Variants in EIF1AX observed in about 807,000 individuals in gnomAD.
EIF1AX encodes the protein eukaryotic translation initiation factor 1A X-linked.
EIF1AX carries 1 observed loss-of-function variant against 16.1 expected under a neutral mutation model. The ratio of observed to expected loss-of-function variants is 0.06; its 90% confidence interval spans 0.02 to 0.30. EIF1AX has a LOEUF of 0.30. Ranked by LOEUF, EIF1AX falls within the 10% of genes least tolerant of loss-of-function variation. The pLI is 1.00. For synonymous variants in EIF1AX, 32 were observed against 37.3 expected (o/e 0.86, Z 0.51); for missense variants, 11 against 109.1 (o/e 0.10, Z 4.00).
At chrX:20,133,923 A>G (rs752396421) in intron 4 of EIF1AX, 34 bp downstream of exon 4, 1 of 1,119,551 alleles carries the variant, frequency 8.9e-7, no homozygotes, top group East Asian at 3.1e-5. Flanking sequence ...AATTCAAGCC[A>G]GTAAAATAGG....
At chrX:20,137,388 G>C (rs1333759087) in intron 2 of EIF1AX, among the ~76,000 whole-genome samples, 1 of 111,101 alleles carries the variant, frequency 9.0e-6, no homozygotes. Context: ...GGAGCTTGTA[G>C]TGAGCCGAGA....
At chrX:20,138,902 C>T (rs1048766617) in intron 1 of EIF1AX, among the ~76,000 whole-genome samples, 8 of 111,842 alleles carry the variant, frequency 7.2e-5, no homozygotes, top group African/African-American at 2.6e-4. Flanking sequence ...TATAGAAAAA[C>T]ATTTCACTTT....
chrX:20,140,882 T>G (rs764927271), intron 1 of EIF1AX, among the ~76,000 whole-genome samples: 1 of 109,941 alleles, frequency 9.1e-6, no homozygotes, highest in African/African-American at 3.3e-5. Flanking sequence ...AGGCCTTCCG[T>G]TTTGGAAATC....
At position 20,141,703 on chromosome X, in the gene EIF1AX, T is replaced by G. The variant is rs1242549209; in HGVS notation, c.-63A>C. The G allele has an allele frequency of 1.8e-6, 2 of 1,100,281 alleles. No homozygotes were observed. Among genetic ancestry groups the G allele is most frequent in the African/African-American group, 1.9e-5 (1 of 53,476 alleles). The allele number at this position is 1,100,281 out of a possible 1,213,427, so 90.7% of individuals were successfully genotyped here. ...TCCGGGTAGCGGCGACCGCGGCGGC[T>G]GCTGCTCCGAGGGGCGACACGAGGG... On this transcript the variant is annotated 5_prime_UTR_variant, in exon 1 of 7. Coordinates refer to ENST00000379607, the MANE Select transcript of EIF1AX (RefSeq NM_001412.4).
chrX:20,131,240 T>C (rs780980934), intron 5 of EIF1AX, among the ~76,000 whole-genome samples: 46 of 112,282 alleles, frequency 4.1e-4, no homozygotes, highest in South Asian at 1.5e-3. Context: ...TTCATTACTT[T>C]TGTATTTGGA....
rs1010505801 is a variant in EIF1AX at position 20,141,526 on chromosome X, A to C, written c.16+99T>G. 1.5e-4 allele frequency: 157 copies of C among 1,016,511 alleles called. 1 individual carries two copies. In the South Asian group the frequency reaches 3.2e-3, roughly 21 times the overall value. The allele number at this position is 1,016,511 out of a possible 1,213,427, so 83.8% of individuals were successfully genotyped here. A position where few individuals can be genotyped will look rare whatever the true frequency, so the allele number is the denominator to read the frequency against. ...GCCGCGGGCAGGCAGGGCGGGAAGG[A>C]AAAAGGGTCACTGCGGCCTGGGTGA... On this transcript the variant is annotated intron_variant, in intron 1 of 6. Transcript: ENST00000379607.
intron 3 of EIF1AX, among the ~76,000 whole-genome samples, chrX:20,134,221 T>A (rs1241878468): frequency 9.0e-6 from 1 of 110,722 alleles, no homozygotes; most frequent in Admixed American, 9.6e-5. Context: ...AACCCGTCTC[T>A]ACTAAAAAAT....
Position 20,141,646 on chromosome X carries a change from T to C in EIF1AX, c.-6A>G. 2 of 1,154,452 alleles carry C rather than the reference T, an allele frequency of 1.7e-6. No individual in the cohort carries two copies. The highest frequency in any genetic ancestry group is 2.3e-6 in the Non-Finnish European group (2 of 866,222). ...TTACCTTTATTCTTGGGCATGGCGG[T>C]GGCGGCGACCTCGCGGCGTCTCTGA... On this transcript the variant is annotated 5_prime_UTR_variant, in exon 1 of 7. Coordinates refer to ENST00000379607, the MANE Select transcript of EIF1AX (RefSeq NM_001412.4).
intron 5 of EIF1AX, 121 bp from the exon 6 acceptor site, chrX:20,130,728 C>G: frequency 3.0e-6 from 2 of 675,918 alleles, no homozygotes; most frequent in Non-Finnish European, 4.0e-6. Flanking sequence ...AAAAAAATTC[C>G]TGCAGTGTCA....
intron 1 of EIF1AX, among the ~76,000 whole-genome samples, chrX:20,140,779 G>T (rs1403360848): frequency 9.0e-6 from 1 of 111,454 alleles, no homozygotes; most frequent in African/African-American, 3.3e-5. Flanking sequence ...AAGTTATACG[G>T]CTATTAAAAA....
intron 6 of EIF1AX, among the ~76,000 whole-genome samples, chrX:20,130,304 A>C (rs1376270062): frequency 1.4e-5 from 1 of 71,967 alleles, no homozygotes; most frequent in African/African-American, 1.2e-4. Context: ...CTCCATCACA[A>C]AAAAAAAAAA....
chrX:20,141,082 A>C (rs1407873990), intron 1 of EIF1AX, among the ~76,000 whole-genome samples: 1 of 111,667 alleles, frequency 9.0e-6, no homozygotes, highest in Non-Finnish European at 1.9e-5. Context: ...GGAGAGAGTA[A>C]ATCTCTAGAG....
intron 3 of EIF1AX, among the ~76,000 whole-genome samples, chrX:20,134,590 T>A (rs774293381): frequency 9.2e-6 from 1 of 108,966 alleles, no homozygotes; most frequent in Admixed American, 9.8e-5. Flanking sequence ...ATACAAAAAT[T>A]AGCGAGGCGT....
chrX:20,132,268 AAT>A lies in EIF1AX; in HGVS notation c.256-7_256-6del, dbSNP rs766437433. The A allele has an allele frequency of 1.6e-5, 17 of 1,094,022 alleles. No homozygotes were observed. The highest frequency in any genetic ancestry group is 2.1e-5 in the Non-Finnish European group (17 of 799,231). The allele number at this position is 1,094,022 out of a possible 1,213,427, so 90.2% of individuals were successfully genotyped here. A position where few individuals can be genotyped will look rare whatever the true frequency, so the allele number is the denominator to read the frequency against. The stretch of plus-strand genomic sequence containing the variant: ...AATTACATCAGCTTTGTTATCCTTA[AAT>A]AGAGACAAATAACTTTAAAAAACTG... On this transcript the variant is annotated splice_region_variant and splice_polypyrimidine_tract_variant and intron_variant, in intron 4 of 6. Coordinates refer to ENST00000379607, the MANE Select transcript of EIF1AX (RefSeq NM_001412.4).
intron 2 of EIF1AX, among the ~76,000 whole-genome samples, chrX:20,137,169 G>C (rs1013981682): frequency 8.9e-6 from 1 of 112,097 alleles, no homozygotes; most frequent in African/African-American, 3.2e-5. Context: ...ATGGGGCTAG[G>C]TGCGGTGGCT....
At chrX:20,128,394 ACCT>A (rs1237621857) in intron 6 of EIF1AX, 83 bp from the exon 7 acceptor site, 1 of 838,360 alleles carries the variant, frequency 1.2e-6, no homozygotes, top group Non-Finnish European at 1.7e-6. Context: ...GGAGACTTTC[ACCT>A]CCTTAGGCTA....
intron 2 of EIF1AX, among the ~76,000 whole-genome samples, chrX:20,136,679 A>C (rs2067018049): frequency 8.9e-6 from 1 of 112,225 alleles, no homozygotes; most frequent in Admixed American, 9.5e-5. Context: ...AAGGCTCAAC[A>C]GTGGGGATGA....
At position 20,127,314 on chromosome X, in the gene EIF1AX, T is replaced by C. The variant is rs2066988135; in HGVS notation, c.*992A>G. The C allele has an allele frequency of 7.4e-6, 1 of 134,694 alleles. No homozygotes were observed. The highest frequency in any genetic ancestry group is 3.1e-5 in the African/African-American group (1 of 32,094). 11.1% of individuals were successfully genotyped at this position (134,694 alleles called of 1,213,427 possible). A position where few individuals can be genotyped will look rare whatever the true frequency, so the allele number is the denominator to read the frequency against. ...TGGAGACCATCTTTTCACTGAGTTG[T>C]TATTCCTTCCTCTTCCCTTAGCTTA... On this transcript the variant is annotated 3_prime_UTR_variant, in exon 7 of 7. Transcript: ENST00000379607.
chrX:20,132,577 A>G (rs1419825006), intron 4 of EIF1AX, among the ~76,000 whole-genome samples: 3 of 112,133 alleles, frequency 2.7e-5, no homozygotes, highest in African/African-American at 9.7e-5. Flanking sequence ...CTTTTGAAGT[A>G]CAAAAGTTCC....
Sources: allele counts gnomAD v4.1 joint callset (sites outside exome capture counted in the v4.1 genomes callset), GRCh38; gene constraint gnomAD v4.1.1; transcripts MANE v1.5; gene names NCBI Gene and HGNC (gene_info 2026-07-23, HGNC 2026-07-21).